UHRF1: variants seen among roughly 807,000 people sequenced by gnomAD.
UHRF1 encodes ubiquitin like with PHD and ring finger domains 1.
In UHRF1, 9 loss-of-function variants were observed where a neutral mutation model predicts 96.5. The ratio of observed to expected loss-of-function variants is 0.09; its 90% CI spans 0.06 to 0.16. The LOEUF (loss-of-function observed/expected upper bound fraction) is 0.16, where lower values mean the gene tolerates loss of function less well. Ranked by LOEUF, UHRF1 falls within the 10% of genes least tolerant of loss-of-function variation. The pLI is 1.00. For missense variants in UHRF1, 626 were observed against 1,131.1 expected, an observed-to-expected ratio of 0.55 and a Z score of 6.40; for synonymous variants, 455 against 469.9, an observed-to-expected ratio of 0.97 and a Z score of 0.41.
intron 5 of UHRF1, among the ~76,000 whole-genome samples, chr19:4,935,066 C>T (rs549005062): frequency 2.0e-5 from 3 of 152,186 alleles, no homozygotes; most frequent in South Asian, 4.2e-4. Flanking sequence ...CTCCACCTCC[C>T]GGGTTCAAGG....
Position 4,954,388 on chromosome 19 carries a change from G to A in UHRF1, c.1857G>A (p.Glu619=). The A allele has an allele frequency of 6.2e-7, 1 of 1,613,656 alleles. No homozygotes were observed. Among genetic ancestry groups the A allele is most frequent in the Non-Finnish European group, 8.5e-7 (1 of 1,179,826 alleles). The stretch of plus-strand genomic sequence containing the variant: ...ACCTGGAAGCCCTGGCCAACCGAGA[G>A]CGAGAGAAGGAGAACAGCAAGAGGG... ...EGYLEALANR[E]REKENSKREE... Residue 619 remains glutamate, a synonymous_variant, in exon 14 of 17, where the codon GAG becomes GAA. Coordinates refer to ENST00000650932, the MANE Select transcript of UHRF1 (RefSeq NM_001048201.3). The surrounding 1 kb of genome is among the most constrained non-coding windows in gnomAD (Gnocchi z 5.9).
chr19:4,925,820 C>G (rs1168366986), intron 2 of UHRF1, among the ~76,000 whole-genome samples: 1 of 148,026 alleles, frequency 6.8e-6, no homozygotes, highest in East Asian at 2.0e-4. Context: ...CCGCACGCGG[C>G]CTGAGTCATA....
At chr19:4,932,611 C>T in intron 4 of UHRF1, 130 bp from the exon 5 acceptor site, 6 of 934,964 alleles carry the variant, frequency 6.4e-6, no homozygotes, top group Non-Finnish European at 9.8e-6. Flanking sequence ...TTCTCAACAC[C>T]AGCATATAAG....
chr19:4,943,257 G>A (rs920341283), intron 7 of UHRF1, among the ~76,000 whole-genome samples: 3 of 151,926 alleles, frequency 2.0e-5, no homozygotes, highest in Middle Eastern at 6.3e-3. Flanking sequence ...AAAAAAAGGG[G>A]GGGTGGTGAG....
At chr19:4,936,597 T>G (rs2033222988) in intron 5 of UHRF1, among the ~76,000 whole-genome samples, 1 of 152,134 alleles carries the variant, frequency 6.6e-6, no homozygotes, top group Admixed American at 6.6e-5. Context: ...AATTCATTCA[T>G]CATTCATTTT....
intron 2 of UHRF1, among the ~76,000 whole-genome samples, chr19:4,916,903 G>A (rs1000393418): frequency 2.6e-5 from 4 of 152,130 alleles, no homozygotes; most frequent in African/African-American, 4.8e-5. Flanking sequence ...AGGCTTACAC[G>A]GTCTTTGCTG....
intron 10 of UHRF1, among the ~76,000 whole-genome samples, chr19:4,946,223 C>T (rs867631179): frequency 4.6e-5 from 7 of 152,154 alleles, no homozygotes; most frequent in Non-Finnish European, 1.0e-4. Context: ...AACCTGGTTC[C>T]TGCCTCTGTG....
intron 7 of UHRF1, 89 bp downstream of exon 7, chr19:4,942,020 G>A: frequency 2.2e-6 from 3 of 1,341,618 alleles, no homozygotes; most frequent in Non-Finnish European, 2.9e-6. Context: ...AGAGGGGCAG[G>A]CGCGGGGGCT....
Position 4,941,757 on chromosome 19 carries a change from C to G in UHRF1, c.899C>G (p.Pro300Arg). The stretch of plus-strand genomic sequence containing the variant: ...GCCCCGTGCCCAGGGAAGAGCGGGC[C>G]GTCCTGCAAGCACTGCAAGGACGAC... ...VDNPMRRKSG[P>R]SCKHCKDDVN... Residue 300 changes from proline to arginine, a missense_variant, in exon 7 of 17, where the codon CCG becomes CGG. Physicochemically the swap from Pro to Arg is moderately radical, Grantham distance 103 (BLOSUM62 -2). Around this residue, in one of 11 missense-constraint regions of UHRF1, gnomAD observed 198 missense variants for 235.1 expected, o/e 0.84. Coordinates refer to ENST00000650932, the MANE Select transcript of UHRF1 (RefSeq NM_001048201.3). The G allele has an allele frequency of 6.5e-7, 1 of 1,547,312 alleles. No homozygotes were observed. Among genetic ancestry groups the G allele is most frequent in the Non-Finnish European group, 8.7e-7 (1 of 1,145,588 alleles).
chr19:4,941,521 C>G lies in UHRF1; in HGVS notation c.786-7C>G, dbSNP rs763337468. 2 of 1,611,296 alleles carry G rather than the reference C, an allele frequency of 1.2e-6. No homozygotes were observed. The highest frequency in any genetic ancestry group is 1.7e-6 in the Non-Finnish European group (2 of 1,178,470). On this transcript the variant is annotated splice_polypyrimidine_tract_variant and splice_region_variant and intron_variant, in intron 5 of 16. Coordinates refer to ENST00000650932, the MANE Select transcript of UHRF1 (RefSeq NM_001048201.3). ...CCAGAATGTTCCAGCGTCCTCGTTC[C>G]TTGCAGGGATGATTCTCTGAACGAC... is the stretch of plus-strand genomic sequence containing the variant.
At chr19:4,925,884 C>CTTTTCTTTCTTTCTTT (rs2032853023) in intron 2 of UHRF1, among the ~76,000 whole-genome samples, 7 of 146,976 alleles carry the variant, frequency 4.8e-5, no homozygotes, top group African/African-American at 1.8e-4. Context: ...CCTGTTTTTT[C>CTTTTCTTTCTTTCTTT]TTTTCTTTCT....
chr19:4,906,949 C>T (rs374871829), upstream of UHRF1, among the ~76,000 whole-genome samples: 28 of 152,270 alleles, frequency 1.8e-4, no homozygotes, highest in African/African-American at 6.7e-4. Context: ...GGTGTGGGTT[C>T]TACCTGGCTG....
At chr19:4,938,866 C>A (rs958669895) in intron 5 of UHRF1, among the ~76,000 whole-genome samples, 1 of 150,732 alleles carries the variant, frequency 6.6e-6, no homozygotes, top group East Asian at 1.9e-4. Context: ...ACCTCAGCCT[C>A]CCACGTAGCT....
chr19:4,933,153 C>T (rs2146337679), intron 5 of UHRF1, among the ~76,000 whole-genome samples, 197 bp downstream of exon 5: 2 of 152,354 alleles, frequency 1.3e-5, no homozygotes, highest in East Asian at 3.9e-4. Flanking sequence ...ACCTTGTGCC[C>T]CTGAGTGCCT....
At position 4,930,868 on chromosome 19, in the gene UHRF1, A is replaced by G. The variant is rs1321653919; in HGVS notation, c.561A>G (p.Lys187=). The change falls in exon 4 of 17, where the codon AAA becomes AAG. Residue 187 remains lysine, a synonymous_variant. Coordinates refer to ENST00000650932, the MANE Select transcript of UHRF1 (RefSeq NM_001048201.3). The surrounding 1 kb of genome is among the most constrained non-coding windows in gnomAD (Gnocchi z 4.4). ...ALEEDVIYHV[K]YDDYPENGVV... ...AGGAGGACGTCATTTACCACGTGAA[A>G]TACGACGAGTGAGTCATGGCAGGTG... The G allele has an allele frequency of 3.1e-6, 5 of 1,613,758 alleles. No homozygotes were observed. In the Admixed American group the frequency reaches 6.7e-5, roughly 22 times the overall value.
At position 4,954,807 on chromosome 19, in the gene UHRF1, G is replaced by A. The variant is rs371688702; in HGVS notation, c.2115G>A (p.Pro705=). The A allele has an allele frequency of 2.5e-6, 4 of 1,613,544 alleles. No homozygotes were observed. Among genetic ancestry groups the A allele is most frequent in the African/African-American group, 2.7e-5 (2 of 74,924 alleles). Residue 705 remains proline (P), a synonymous_variant, in exon 15 of 17, where the codon CCG becomes CCA. Transcript: ENST00000650932. This position sits in a 1 kb window ranked among gnomAD's most constrained non-coding sequence, Gnocchi z 5.9. Reference sequence around the variant, plus strand: ...TCCTGGCGTCACTCAAGGACCGGCCGGCGAGCGGCAGCCCGGTAGGCTCGC... The same window carrying A: ...TCCTGGCGTCACTCAAGGACCGGCCAGCGAGCGGCAGCCCGGTAGGCTCGC... ...NEVLASLKDR[P]ASGSPFQLFL...
intron 2 of UHRF1, among the ~76,000 whole-genome samples, chr19:4,927,943 A>G (rs1392951371): frequency 2.6e-5 from 4 of 152,212 alleles, no homozygotes; most frequent in Non-Finnish European, 1.5e-5. Flanking sequence ...GGGGACCCCC[A>G]GCTCCTGGGA....
chr19:4,937,448 G>A (rs1231796747), intron 5 of UHRF1, among the ~76,000 whole-genome samples: 5 of 151,916 alleles, frequency 3.3e-5, no homozygotes, highest in African/African-American at 9.7e-5. Context: ...TGCAACCTCC[G>A]CCTCCTGGAT....
upstream of UHRF1, chr19:4,909,457 G>A (rs1392669477): frequency 4.6e-6 from 3 of 654,914 alleles, no homozygotes; most frequent in East Asian, 9.6e-5. Context: ...GGCCTCCTGC[G>A]GCCCCGCAAC....
Sources: gnomAD v4.1 joint callset for allele counts (sites outside exome capture counted in the v4.1 genomes callset) on GRCh38, gnomAD v4.1.1 for gene constraint, gnomAD v4.1.1 regional missense constraint, Gnocchi (gnomAD v3.1) non-coding constraint, MANE v1.5 for transcripts, NCBI Gene and HGNC (gene_info 2026-07-23, HGNC 2026-07-21) for gene names.